Variants in GRID1 observed in about 807,000 individuals in gnomAD.
GRID1 encodes glutamate receptor ionotropic, delta-1.
GRID1 carries 28 observed loss-of-function variants against 98.0 expected under a neutral mutation model. The ratio of observed to expected loss-of-function variants is 0.29; its 90% CI spans 0.21 to 0.39. GRID1 has a LOEUF of 0.39. GRID1 is among the 10% of genes least tolerant of loss of function. The pLI, the probability that GRID1 is intolerant of heterozygous loss-of-function variation, is 1.00. For synonymous variants in GRID1, 553 were observed against 538.5 expected (o/e 1.03, Z -0.37); for missense variants, 1,111 against 1,340.5 (o/e 0.83, Z 2.67).
At chr10:86,040,510 T>TAAAAAA (rs3057696) in intron 4 of GRID1, among the ~76,000 whole-genome samples, 1 of 103,282 alleles carries the variant, frequency 9.7e-6, no homozygotes, top group African/African-American at 3.7e-5. Context: ...ACTCATATCT[T>TAAAAAA]AAAAAAAAAA....
intron 3 of GRID1, among the ~76,000 whole-genome samples, chr10:86,176,567 C>T (rs975778313): frequency 6.6e-6 from 1 of 152,148 alleles, no homozygotes; most frequent in African/African-American, 2.4e-5. Flanking sequence ...AGGAGATGAT[C>T]GTGCAAAAGA....
chr10:85,672,525 C>T (rs1390831085), intron 12 of GRID1, among the ~76,000 whole-genome samples: 1 of 152,106 alleles, frequency 6.6e-6, no homozygotes, highest in Non-Finnish European at 1.5e-5. Flanking sequence ...TCAGGATGGT[C>T]TTGATCTCTT....
intron 4 of GRID1, among the ~76,000 whole-genome samples, chr10:86,081,482 G>T (rs1387284215): frequency 2.6e-5 from 4 of 152,200 alleles, no homozygotes; most frequent in Non-Finnish European, 5.9e-5. Context: ...CACAGACGAT[G>T]GAAGCTGATA....
intron 4 of GRID1, among the ~76,000 whole-genome samples, chr10:86,056,038 G>A (rs755754162): frequency 1.4e-4 from 22 of 152,212 alleles, no homozygotes; most frequent in Non-Finnish European, 2.4e-4. Flanking sequence ...CAGCTGGTAG[G>A]TGACAAAGTT....
chr10:86,290,507 G>T (rs1847496905), intron 2 of GRID1, among the ~76,000 whole-genome samples: 1 of 152,056 alleles, frequency 6.6e-6, no homozygotes, highest in Non-Finnish European at 1.5e-5. Flanking sequence ...AAAAAAATTA[G>T]CCAAGTGTGG....
intron 4 of GRID1, among the ~76,000 whole-genome samples, chr10:86,055,813 T>TTCTCTCTCTCTCTCTC (rs141146400): frequency 0.01 from 1,544 of 147,390 alleles, 34 homozygotes; most frequent in African/African-American, 0.035. Flanking sequence ...TGTGCTCTCA[T>TTCTCTCTCTCTCTCTC]TCTCTCTCTC....
At chr10:86,210,343 C>G (rs763827212) in intron 2 of GRID1, among the ~76,000 whole-genome samples, 1 of 152,120 alleles carries the variant, frequency 6.6e-6, no homozygotes, top group Non-Finnish European at 1.5e-5. Context: ...TTGGCTCCTC[C>G]GGTCAGTAGC....
chr10:86,346,682 C>T lies in GRID1; in HGVS notation c.235+17259G>A, dbSNP rs532397770. The stretch of plus-strand genomic sequence containing the variant: ...ACCTCCCAGCAGCAGCCCAGCTTCC[C>T]GAAGTCCACGGCAGCCCCAGGCATT... On this transcript the variant is annotated intron_variant, in intron 2 of 15. Coordinates refer to ENST00000327946, the MANE Select transcript of GRID1 (RefSeq NM_017551.3). Among the ~76,000 whole-genome samples, 5 of 152,326 alleles carry T rather than the reference C, an allele frequency of 3.3e-5. No homozygotes were observed. In the South Asian group the frequency reaches 6.2e-4, roughly 19 times the overall value.
chr10:85,770,878 G>A (rs2132710758), intron 8 of GRID1, among the ~76,000 whole-genome samples: 1 of 152,320 alleles, frequency 6.6e-6, no homozygotes, highest in Non-Finnish European at 1.5e-5. Flanking sequence ...CGGGGAGAAT[G>A]GAACCAAGAT....
At chr10:86,100,287 T>G (rs1844278527) in intron 4 of GRID1, among the ~76,000 whole-genome samples, 3 of 152,218 alleles carry the variant, frequency 2.0e-5, no homozygotes, top group Admixed American at 2.0e-4. Flanking sequence ...GCACTTCTTG[T>G]GTGCAGGACT....
chr10:85,643,251 T>C (rs1564686885), intron 13 of GRID1, among the ~76,000 whole-genome samples: 1 of 152,150 alleles, frequency 6.6e-6, no homozygotes, highest in Non-Finnish European at 1.5e-5. Context: ...GAGAAGCCCC[T>C]CGGTGGGCTT....
At chr10:85,762,050 A>T (rs1262905680) in intron 8 of GRID1, among the ~76,000 whole-genome samples, 1 of 152,182 alleles carries the variant, frequency 6.6e-6, no homozygotes, top group African/African-American at 2.4e-5. Flanking sequence ...TGGGCCAAAT[A>T]CTTCCTCCCA....
At chr10:85,850,197 G>A (rs1246352689) in intron 8 of GRID1, among the ~76,000 whole-genome samples, 1 of 152,212 alleles carries the variant, frequency 6.6e-6, no homozygotes. Context: ...CCCGGAGATA[G>A]TGGAAGAGAA....
chr10:86,075,412 G>A (rs1048614519), intron 4 of GRID1, among the ~76,000 whole-genome samples: 8 of 151,010 alleles, frequency 5.3e-5, no homozygotes, highest in African/African-American at 1.9e-4. Context: ...AGCCAAGGAA[G>A]GCCAAAGGTT....
At chr10:85,776,772 G>A (rs1435412739) in intron 8 of GRID1, among the ~76,000 whole-genome samples, 1 of 152,212 alleles carries the variant, frequency 6.6e-6, no homozygotes, top group African/African-American at 2.4e-5. Context: ...TCTCTGAACT[G>A]AGTAAAGTGA....
intron 2 of GRID1, among the ~76,000 whole-genome samples, chr10:86,235,070 C>T (rs1305749269): frequency 6.6e-6 from 1 of 152,242 alleles, no homozygotes; most frequent in Non-Finnish European, 1.5e-5. Flanking sequence ...CCCTCTCGGC[C>T]TCCCTACTCC....
chr10:85,629,799 G>A (rs1842955744), intron 13 of GRID1, among the ~76,000 whole-genome samples: 1 of 152,118 alleles, frequency 6.6e-6, no homozygotes, highest in African/African-American at 2.4e-5. Flanking sequence ...GTTTTCCATA[G>A]AAGTTGTAGT....
At chr10:85,786,468 C>G (rs928223429) in intron 8 of GRID1, among the ~76,000 whole-genome samples, 1 of 152,212 alleles carries the variant, frequency 6.6e-6, no homozygotes, top group Non-Finnish European at 1.5e-5. Flanking sequence ...TGGTCCACCC[C>G]CTGCAGGCAT....
At chr10:85,773,895 C>G (rs1160913406) in intron 8 of GRID1, among the ~76,000 whole-genome samples, 4 of 152,168 alleles carry the variant, frequency 2.6e-5, no homozygotes, top group Non-Finnish European at 5.9e-5. Context: ...AATGGCCATA[C>G]TGCCCAAGGT....
Sources: allele counts gnomAD v4.1 joint callset (sites outside exome capture counted in the v4.1 genomes callset), GRCh38; gene constraint gnomAD v4.1.1; transcripts MANE v1.5; gene names NCBI Gene and HGNC (gene_info 2026-07-23, HGNC 2026-07-21).